The following LMLN variants were observed in gnomAD, a reference collection of about 807,000 sequenced individuals.
The protein encoded by LMLN is leishmanolysin like peptidase, also known as leishmanolysin-like peptidase.
Under a neutral mutation model 92.3 loss-of-function variants are expected in LMLN, and 70 were observed. The observed-to-expected ratio is 0.76, with a 90% confidence interval of 0.63 to 0.92. The LOEUF is 0.92. Ranked by LOEUF, LMLN falls within the 40% of genes least tolerant of loss-of-function variation. The pLI, the probability that LMLN is intolerant of heterozygous loss-of-function variation, is 0.00. For missense variants in LMLN, 691 were observed against 814.6 expected (o/e 0.85, Z 1.85); for synonymous variants, 308 against 296.2 (o/e 1.04, Z -0.41).
intron 5 of LMLN, among the ~76,000 whole-genome samples, chr3:197,978,809 G>A (rs1051368559): frequency 2.6e-5 from 4 of 151,960 alleles, no homozygotes; most frequent in Admixed American, 1.3e-4. Flanking sequence ...TGGCCAACAC[G>A]GTGAAACCTT....
intron 10 of LMLN, among the ~76,000 whole-genome samples, chr3:197,996,918 A>G (rs1722035515): frequency 6.6e-6 from 1 of 151,972 alleles, no homozygotes; most frequent in African/African-American, 2.4e-5. Context: ...AGTAGCTGGG[A>G]CCACAGGCAA....
chr3:197,970,916 C>A (rs539832497), intron 1 of LMLN, among the ~76,000 whole-genome samples: 2 of 152,186 alleles, frequency 1.3e-5, no homozygotes, highest in East Asian at 1.9e-4. Flanking sequence ...TCCATTCCCA[C>A]GAATAACTTC....
At chr3:198,014,349 C>G (rs1456258292) in intron 11 of LMLN, among the ~76,000 whole-genome samples, 4 of 89,762 alleles carry the variant, frequency 4.5e-5, no homozygotes, top group Non-Finnish European at 6.8e-5. Context: ...TGACTTCTCT[C>G]CACCCATCAG....
At position 198,019,510 on chromosome 3, in the gene LMLN, G is replaced by A; in HGVS notation, c.1365+125G>A. The stretch of plus-strand genomic sequence containing the variant: ...GGCCTTGTTTGTTTTCTGTAAGTTA[G>A]AAAAAAATGGAATAATGCTTCCATT... On this transcript the variant is annotated intron_variant, in intron 12 of 15. Transcript: ENST00000330198. The surrounding 1 kb of genome is among the most constrained non-coding windows in gnomAD (Gnocchi z 5.5). 1.1e-6 allele frequency: 1 copy of A among 896,030 alleles called. No homozygotes were observed. The highest frequency in any genetic ancestry group is 1.6e-6 in the Non-Finnish European group (1 of 617,784). The allele number at this position is 896,030 out of a possible 1,614,324, so 55.5% of individuals were successfully genotyped here.
intron 14 of LMLN, among the ~76,000 whole-genome samples, chr3:198,034,720 C>T (rs1006203183): frequency 1.3e-5 from 2 of 152,180 alleles, no homozygotes; most frequent in South Asian, 2.1e-4. Context: ...TTAGCTATCA[C>T]GTGCAAATGA....
At chr3:197,989,036 C>T (rs760278334) in intron 8 of LMLN, among the ~76,000 whole-genome samples, 2 of 152,146 alleles carry the variant, frequency 1.3e-5, no homozygotes, top group African/African-American at 4.8e-5. Context: ...GTTATTTAGT[C>T]TAAACTATGT....
At chr3:197,988,630 G>A (rs1193615390) in intron 8 of LMLN, among the ~76,000 whole-genome samples, 1 of 151,208 alleles carries the variant, frequency 6.6e-6, no homozygotes, top group African/African-American at 2.4e-5. Flanking sequence ...GAGTAGCTGG[G>A]ACTACAGGAG....
exon 16 of LMLN, chr3:198,039,893 G>A (rs1723352319): frequency 6.6e-6 from 1 of 152,014 alleles, no homozygotes; most frequent in Admixed American, 6.6e-5. Flanking sequence ...GTTTAATAAT[G>A]ACATGAAAAA....
At chr3:197,993,710 T>G (rs1459132319) in intron 9 of LMLN, among the ~76,000 whole-genome samples, 2 of 152,074 alleles carry the variant, frequency 1.3e-5, no homozygotes, top group Non-Finnish European at 2.9e-5. Flanking sequence ...TCCAATGTCA[T>G]TTTTCACAGA....
intron 14 of LMLN, among the ~76,000 whole-genome samples, chr3:198,026,681 C>T (rs757016053): frequency 2.0e-5 from 3 of 152,138 alleles, no homozygotes; most frequent in Admixed American, 6.5e-5. Flanking sequence ...TGGAATTAAC[C>T]GTTTCTCCAG....
At chr3:198,029,796 G>A (rs1032884029) in intron 14 of LMLN, among the ~76,000 whole-genome samples, 1 of 152,028 alleles carries the variant, frequency 6.6e-6, no homozygotes, top group African/African-American at 2.4e-5. Context: ...TGTTGGGGGT[G>A]GAGGAGTCAG....
At chr3:198,033,832 ATAATG>A (rs1453888681) in intron 14 of LMLN, among the ~76,000 whole-genome samples, 1 of 152,270 alleles carries the variant, frequency 6.6e-6, no homozygotes, top group African/African-American at 2.4e-5. Context: ...GCTTTAAAGA[ATAATG>A]ATGTTGCACT....
At position 197,976,590 on chromosome 3, in the gene LMLN, G is replaced by T; in HGVS notation, c.432-8G>T. ...GTATTTAAACTTTGATGTACAAATG[G>T]ACTGAAGACAATGTGCAACAAACCA... On this transcript the variant is annotated splice_polypyrimidine_tract_variant and splice_region_variant and intron_variant, in intron 4 of 15. Coordinates refer to ENST00000330198, the Ensembl canonical transcript of LMLN. 6.7e-7 allele frequency: 1 copy of T among 1,495,508 alleles called. No individual in the cohort carries two copies. Among genetic ancestry groups the T allele is most frequent in the South Asian group, 1.2e-5 (1 of 83,338 alleles). 92.6% of individuals were successfully genotyped at this position (1,495,508 alleles called of 1,614,324 possible).
At chr3:198,035,773 T>C in intron 14 of LMLN, 60 bp from the exon 16 acceptor site, 1 of 1,293,010 alleles carries the variant, frequency 7.7e-7, no homozygotes, top group Non-Finnish European at 1.1e-6. Flanking sequence ...AGAAATCTCT[T>C]AGAATCTTAC....
At chr3:197,976,618 A>G (rs749082854) in exon 5 of LMLN, 1 of 1,592,388 alleles carries the variant, frequency 6.3e-7, no homozygotes, top group Non-Finnish European at 8.6e-7. Flanking sequence ...ACAAACCAAT[A>G]CCTCCGGAAG....
At chr3:197,977,005 A>G (rs1721403066) in intron 5 of LMLN, among the ~76,000 whole-genome samples, 1 of 152,248 alleles carries the variant, frequency 6.6e-6, no homozygotes, top group Admixed American at 6.5e-5. Flanking sequence ...TTAGCAAGGC[A>G]TATATCTCAG....
chr3:197,975,106 A>C (rs1396900422), intron 3 of LMLN, 34 bp downstream of exon 3: 2 of 1,232,620 alleles, frequency 1.6e-6, no homozygotes, highest in African/African-American at 3.1e-5. Flanking sequence ...TGAATTGGAC[A>C]CTTAAAATTT....
intron 11 of LMLN, among the ~76,000 whole-genome samples, chr3:198,005,976 G>C (rs1722282488): frequency 6.6e-6 from 1 of 152,082 alleles, no homozygotes; most frequent in Admixed American, 6.6e-5. Flanking sequence ...AATTAGCCAG[G>C]CGTGGTGGTG....
intron 9 of LMLN, among the ~76,000 whole-genome samples, chr3:197,993,590 C>T (rs1162084875): frequency 6.6e-6 from 1 of 151,730 alleles, no homozygotes; most frequent in East Asian, 1.9e-4. Context: ...AAGAAATTGA[C>T]ACAATAAATA....
Sources: gnomAD v4.1 joint callset for allele counts (sites outside exome capture counted in the v4.1 genomes callset) on GRCh38, gnomAD v4.1.1 for gene constraint, Gnocchi (gnomAD v3.1) non-coding constraint, MANE v1.5 for transcripts, NCBI Gene and HGNC (gene_info 2026-07-23, HGNC 2026-07-21) for gene names.